The following MGAT5 variants were observed in gnomAD, a reference collection of about 807,000 sequenced individuals.
The protein encoded by MGAT5 is alpha-1,6-mannosylglycoprotein 6-beta-N-acetylglucosaminyltransferase A.
In MGAT5, 30 loss-of-function variants were observed where a neutral mutation model predicts 94.3. The observed-to-expected ratio is 0.32, with a 90% confidence interval of 0.24 to 0.43. The LOEUF (loss-of-function observed/expected upper bound fraction) is 0.43, where lower values mean the gene tolerates loss of function less well. Ranked by LOEUF, MGAT5 falls within the 20% of genes least tolerant of loss-of-function variation. The pLI is 1.00. For missense variants in MGAT5, 691 were observed against 905.5 expected (o/e 0.76, Z 3.04); for synonymous variants, 310 against 322.9 (o/e 0.96, Z 0.43).
At chr2:134,445,287 C>G (rs1685707971) in intron 15 of MGAT5, among the ~76,000 whole-genome samples, 1 of 152,006 alleles carries the variant, frequency 6.6e-6, no homozygotes, top group Admixed American at 6.6e-5. Flanking sequence ...CTGGCAAGAC[C>G]CTGAACTTTT....
intron 1 of MGAT5, among the ~76,000 whole-genome samples, chr2:134,141,379 T>G (rs752291211): frequency 6.6e-6 from 1 of 152,214 alleles, no homozygotes; most frequent in East Asian, 1.9e-4. Flanking sequence ...CAACCTTGTC[T>G]GTCTTATTAG....
intron 1 of MGAT5, among the ~76,000 whole-genome samples, chr2:134,150,571 G>C (rs1197313904): frequency 3.3e-5 from 5 of 152,190 alleles, no homozygotes; most frequent in Admixed American, 2.0e-4. Context: ...CGCTTGTGCT[G>C]GGTTTGCTCC....
At chr2:134,387,334 T>TATATATATATATATA (rs1682093771) in intron 10 of MGAT5, among the ~76,000 whole-genome samples, 1 of 28,028 alleles carries the variant, frequency 3.6e-5, no homozygotes, top group Non-Finnish European at 8.4e-5. Flanking sequence ...ATATATATAT[T>TATATATATATATATA]TTTTTTTTTT....
chr2:134,249,008 G>A (rs1009941988), intron 1 of MGAT5, among the ~76,000 whole-genome samples: 3 of 152,076 alleles, frequency 2.0e-5, no homozygotes, highest in East Asian at 3.9e-4. Context: ...CTGGCCAGGA[G>A]CCTGTAAGGT....
chr2:134,369,739 G>GTGTGTGTGTGTGTA, intron 10 of MGAT5, among the ~76,000 whole-genome samples: 1 of 151,718 alleles, frequency 6.6e-6, no homozygotes, highest in Non-Finnish European at 1.5e-5. Flanking sequence ...GTGTGTGTGT[G>GTGTGTGTGTGTGTA]TGTGTGTGTG....
At chr2:134,128,381 C>G (rs998472368) in intron 1 of MGAT5, among the ~76,000 whole-genome samples, 1 of 152,134 alleles carries the variant, frequency 6.6e-6, no homozygotes, top group Non-Finnish European at 1.5e-5. Context: ...GTTACTATGG[C>G]CTTTCCCCTA....
intron 10 of MGAT5, among the ~76,000 whole-genome samples, chr2:134,370,339 G>A (rs1344975): frequency 0.28 from 42,260 of 152,068 alleles, 6,705 homozygotes; most frequent in African/African-American, 0.43. Context: ...CTGCCCAGAT[G>A]ATGTAGAGAT....
intron 14 of MGAT5, among the ~76,000 whole-genome samples, chr2:134,435,320 T>A (rs1685112945): frequency 6.6e-6 from 1 of 152,188 alleles, no homozygotes; most frequent in South Asian, 2.1e-4. Context: ...CCTTGTCAAA[T>A]CTTCTGATCT....
At chr2:134,320,840 C>A (rs1687270269) in intron 4 of MGAT5, among the ~76,000 whole-genome samples, 1 of 152,152 alleles carries the variant, frequency 6.6e-6, no homozygotes, top group African/African-American at 2.4e-5. Flanking sequence ...GTGGGGTTTG[C>A]CCCTCTCTCA....
chr2:134,440,392 A>G (rs926426068), intron 14 of MGAT5, among the ~76,000 whole-genome samples: 1 of 152,072 alleles, frequency 6.6e-6, no homozygotes, highest in Non-Finnish European at 1.5e-5. Context: ...CTGTGTCTTC[A>G]TGGGTTTTCT....
In MGAT5 at chr2:134,124,007, A is replaced by G. The variant is rs528539689; in HGVS notation, c.-143+3716A>G. On this transcript the variant is annotated intron_variant, in intron 1 of 16. Transcript: ENST00000409645. ...CCTTAAAGTCTCTAATCTAAGCCAT[A>G]TCCCTATACTGTTTTACATCCTATG... Among the ~76,000 whole-genome samples the G allele has an allele frequency of 2.9e-3, 440 of 152,346 alleles. 4 individuals carry two copies. Among genetic ancestry groups the G allele is most frequent in the African/African-American group, 0.01 (417 of 41,582 alleles).
chr2:134,433,862 T>G (rs569139630), intron 14 of MGAT5, among the ~76,000 whole-genome samples: 10 of 151,482 alleles, frequency 6.6e-5, no homozygotes, highest in Non-Finnish European at 1.0e-4. Context: ...CAATTTCTGG[T>G]TTTTCTTCCT....
At chr2:134,323,904 C>T (rs754565422) in intron 4 of MGAT5, among the ~76,000 whole-genome samples, 3 of 152,020 alleles carry the variant, frequency 2.0e-5, no homozygotes, top group Non-Finnish European at 1.5e-5. Context: ...TATCTGTTTT[C>T]GTGAGCCATG....
chr2:134,433,396 G>A lies in MGAT5; in HGVS notation c.1869+4957G>A, dbSNP rs557803946. ...ATGGACCTGTTTTCGTTTCTCCTGCGTAGACTCCTAGAAGTGTGTGAATAA... is the reference window on the plus strand; with the variant it reads ...ATGGACCTGTTTTCGTTTCTCCTGCATAGACTCCTAGAAGTGTGTGAATAA... On this transcript the variant is annotated intron_variant, in intron 14 of 15. Transcript: ENST00000281923. 8.1e-4 allele frequency among the ~76,000 whole-genome samples: 123 copies of A among 152,270 alleles called. 1 individual carries two copies. Among genetic ancestry groups the A allele is most frequent in the Admixed American group, 7.2e-3 (110 of 15,294 alleles).
intron 12 of MGAT5, 39 bp downstream of exon 12, chr2:134,413,054 GAAT>G: frequency 6.2e-7 from 1 of 1,603,762 alleles, no homozygotes; most frequent in Non-Finnish European, 8.5e-7. Flanking sequence ...TGAATAATAT[GAAT>G]AATAGCTATT....
chr2:134,147,230 A>C (rs1051207453), intron 1 of MGAT5, among the ~76,000 whole-genome samples: 8 of 152,202 alleles, frequency 5.3e-5, no homozygotes, highest in Non-Finnish European at 1.0e-4. Flanking sequence ...GTGATTTGGG[A>C]AAAGAACCCA....
rs748593341 is a variant in MGAT5, at chr2:134,268,554, C to T, written c.242-1832C>T. On this transcript the variant is annotated intron_variant, in intron 1 of 15. Coordinates refer to ENST00000281923, the MANE Select transcript of MGAT5 (RefSeq NM_002410.5). The surrounding 1 kb of genome is among the most constrained non-coding windows in gnomAD (Gnocchi z 4.1). ...TCATGCTGACCGTGGGACTGCAGACCGCAGAGGAGAGTGCTCTCATGACCC... is the reference window on the plus strand; with the variant it reads ...TCATGCTGACCGTGGGACTGCAGACTGCAGAGGAGAGTGCTCTCATGACCC... Among the ~76,000 whole-genome samples the T allele has an allele frequency of 1.3e-5, 2 of 152,132 alleles. No individual in the cohort carries two copies. The highest frequency in any genetic ancestry group is 2.9e-5 in the Non-Finnish European group (2 of 68,032).
chr2:134,202,873 T>C (rs1190085736), intron 1 of MGAT5, among the ~76,000 whole-genome samples: 1 of 151,896 alleles, frequency 6.6e-6, no homozygotes, highest in African/African-American at 2.4e-5. Context: ...CTAACTGTAA[T>C]GTAAAAGGAA....
At chr2:134,409,167 G>A (rs192270842) in intron 11 of MGAT5, among the ~76,000 whole-genome samples, 2 of 152,318 alleles carry the variant, frequency 1.3e-5, no homozygotes, top group East Asian at 3.9e-4. Context: ...ATATGGATTT[G>A]AACTTGAGTG....
Sources: allele counts gnomAD v4.1 joint callset (sites outside exome capture counted in the v4.1 genomes callset), GRCh38; gene constraint gnomAD v4.1.1; non-coding constraint Gnocchi (gnomAD v3.1); transcripts MANE v1.5; gene names NCBI Gene and HGNC (gene_info 2026-07-23, HGNC 2026-07-21).